Variants in KIAA1328 observed in about 807,000 individuals in gnomAD.
The protein encoded by KIAA1328 is KIAA1328.
A neutral mutation model predicts 68.1 loss-of-function variants in KIAA1328; 52 were observed. That is an observed-to-expected ratio of 0.76 (90% CI 0.61 to 0.96). KIAA1328 has a LOEUF of 0.96. Ranked by LOEUF, KIAA1328 falls within the 40% of genes least tolerant of loss-of-function variation. KIAA1328 has a pLI of 0.00. For synonymous variants in KIAA1328, 232 were observed against 239.4 expected (o/e 0.97, Z 0.28); for missense variants, 641 against 677.6 (o/e 0.95, Z 0.60).
chr18:37,046,599 C>T (rs1464896052), intron 6 of KIAA1328, among the ~76,000 whole-genome samples: 1 of 152,202 alleles, frequency 6.6e-6, no homozygotes, highest in African/African-American at 2.4e-5. Flanking sequence ...TATCTGAAAT[C>T]TTGGCTCTTT....
intron 6 of KIAA1328, among the ~76,000 whole-genome samples, chr18:37,007,177 A>G (rs890551425): frequency 6.6e-6 from 1 of 152,176 alleles, no homozygotes; most frequent in Non-Finnish European, 1.5e-5. Flanking sequence ...ACAACAGGAC[A>G]TCAAGCTCCT....
chr18:36,835,115 G>T, intron 2 of KIAA1328, 119 bp from the exon 3 acceptor site: 1 of 688,610 alleles, frequency 1.5e-6, no homozygotes, highest in Non-Finnish European at 2.4e-6. Flanking sequence ...AGTTTATAAA[G>T]TAAGAGAGTT....
chr18:37,195,692 A>G (rs780481731), intron 9 of KIAA1328, among the ~76,000 whole-genome samples: 1 of 152,154 alleles, frequency 6.6e-6, no homozygotes, highest in Non-Finnish European at 1.5e-5. Context: ...TGTTTTGGTA[A>G]CTATAGCTTT....
At position 36,894,917 on chromosome 18, in the gene KIAA1328, A is replaced by G. The variant is rs533426307; in HGVS notation, c.448+9245A>G. On this transcript the variant is annotated intron_variant, in intron 5 of 9. Coordinates refer to ENST00000280020, the MANE Select transcript of KIAA1328 (RefSeq NM_020776.3). ...GACCAAATGCATATTCTTGATTTTG[A>G]CATTCAAGCCCTCCATTACTAGTGT... 2.6e-5 allele frequency among the ~76,000 whole-genome samples: 4 copies of G among 152,272 alleles called. No homozygotes were observed. The East Asian group carries it at 7.7e-4, about 29-fold the overall frequency.
intron 5 of KIAA1328, among the ~76,000 whole-genome samples, chr18:36,956,026 GTC>G (rs1232893018): frequency 6.6e-6 from 1 of 152,066 alleles, no homozygotes; most frequent in Non-Finnish European, 1.5e-5. Context: ...CCTGTGATTT[GTC>G]TCTCACACAG....
At chr18:37,202,535 T>G (rs1336780252) in intron 9 of KIAA1328, among the ~76,000 whole-genome samples, 1 of 152,184 alleles carries the variant, frequency 6.6e-6, no homozygotes, top group African/African-American at 2.4e-5. Flanking sequence ...TGTAAACCAC[T>G]TTTTGGGAAG....
intron 7 of KIAA1328, among the ~76,000 whole-genome samples, chr18:37,082,220 G>GA (rs2056972948): frequency 7.8e-6 from 1 of 128,982 alleles, no homozygotes; most frequent in Non-Finnish European, 1.6e-5. Flanking sequence ...CACCCAGGCT[G>GA]AAGTGCAGTG....
chr18:37,009,427 A>C (rs990567342), intron 6 of KIAA1328, among the ~76,000 whole-genome samples: 1 of 152,096 alleles, frequency 6.6e-6, no homozygotes, highest in Non-Finnish European at 1.5e-5. Context: ...TATAGCAGGC[A>C]CTACTGTTAT....
chr18:37,125,269 A>C (rs1165073208), intron 7 of KIAA1328, among the ~76,000 whole-genome samples: 2 of 152,160 alleles, frequency 1.3e-5, no homozygotes, highest in Non-Finnish European at 2.9e-5. Context: ...GCAGTGAGCC[A>C]TGATTGCACC....
At chr18:36,907,264 C>A (rs921159485) in intron 5 of KIAA1328, among the ~76,000 whole-genome samples, 4 of 151,966 alleles carry the variant, frequency 2.6e-5, no homozygotes, top group Non-Finnish European at 5.9e-5. Context: ...CCTTTCTAAT[C>A]TGTATGCTTT....
intron 6 of KIAA1328, among the ~76,000 whole-genome samples, chr18:36,960,938 A>G (rs1031277170): frequency 3.3e-5 from 5 of 152,230 alleles, no homozygotes; most frequent in South Asian, 4.1e-4. Context: ...CTCGCCAGCA[A>G]TGGAACAAAG....
chr18:37,196,356 T>C (rs555070279), intron 9 of KIAA1328, among the ~76,000 whole-genome samples: 49 of 152,296 alleles, frequency 3.2e-4, no homozygotes, highest in African/African-American at 1.1e-3. Context: ...CATTCTTGTC[T>C]TGTTCCAGAT....
intron 5 of KIAA1328, among the ~76,000 whole-genome samples, chr18:36,949,511 G>A (rs750654106): frequency 1.3e-5 from 2 of 151,274 alleles, no homozygotes; most frequent in South Asian, 2.1e-4. Flanking sequence ...CATTGTGTAG[G>A]TAGTTTCTAA....
At chr18:36,870,478 C>A (rs1568101413) in intron 4 of KIAA1328, among the ~76,000 whole-genome samples, 1 of 151,934 alleles carries the variant, frequency 6.6e-6, no homozygotes. Flanking sequence ...AAAAATAAAG[C>A]TAAAATAAAA....
At chr18:37,094,155 C>T (rs1310850043) in intron 7 of KIAA1328, among the ~76,000 whole-genome samples, 3 of 152,144 alleles carry the variant, frequency 2.0e-5, no homozygotes, top group South Asian at 2.1e-4. Flanking sequence ...ATAGGGTTTG[C>T]GTTCCTATGA....
intron 8 of KIAA1328, among the ~76,000 whole-genome samples, chr18:37,167,955 AT>A (rs1297409661): frequency 6.6e-6 from 1 of 151,972 alleles, no homozygotes; most frequent in Non-Finnish European, 1.5e-5. Context: ...ATGAGTATGG[AT>A]GAAAATATAC....
At chr18:36,890,748 G>T (rs2048659300) in intron 5 of KIAA1328, among the ~76,000 whole-genome samples, 1 of 152,198 alleles carries the variant, frequency 6.6e-6, no homozygotes, top group Non-Finnish European at 1.5e-5. Flanking sequence ...GACAAAAGCA[G>T]AGTTGAACGA....
At chr18:37,126,039 T>A (rs890199945) in intron 7 of KIAA1328, among the ~76,000 whole-genome samples, 2 of 152,246 alleles carry the variant, frequency 1.3e-5, no homozygotes, top group East Asian at 3.8e-4. Flanking sequence ...GAAATGATAG[T>A]GATGTTAACC....
At chr18:36,954,770 C>A (rs944165217) in intron 5 of KIAA1328, among the ~76,000 whole-genome samples, 1 of 150,226 alleles carries the variant, frequency 6.7e-6, no homozygotes. Flanking sequence ...TCTCAACTCA[C>A]TGCAACTTCC....
Sources: allele counts gnomAD v4.1 joint callset (sites outside exome capture counted in the v4.1 genomes callset), GRCh38; gene constraint gnomAD v4.1.1; transcripts MANE v1.5; gene names NCBI Gene and HGNC (gene_info 2026-07-23, HGNC 2026-07-21).